Variants in MAST1 observed in about 807,000 individuals in gnomAD.
MAST1 encodes microtubule associated serine/threonine kinase 1, also known as microtubule-associated serine/threonine-protein kinase 1.
MAST1 carries 40 observed loss-of-function variants against 124.6 expected under a neutral mutation model. That is an observed-to-expected ratio of 0.32 (90% CI 0.25 to 0.42). The LOEUF is 0.42. Ranked by LOEUF, MAST1 falls within the 10% of genes least tolerant of loss-of-function variation. The pLI is 1.00. For missense variants in MAST1, 1,558 were observed against 2,181.9 expected (o/e 0.71, Z 5.70); for synonymous variants, 938 against 939.4 (o/e 1.00, Z 0.03).
At position 12,874,157 on chromosome 19, in the gene MAST1, CAGG is replaced by C. The variant is rs1970279441; in HGVS notation, c.4003_4005del (p.Glu1335del). 1.3e-6 allele frequency: 2 copies of C among 1,541,010 alleles called. No individual in the cohort carries two copies. The highest frequency in any genetic ancestry group is 2.7e-5 in the African/African-American group (2 of 73,182). On this transcript the variant is annotated inframe_deletion, in exon 26 of 26. Coordinates refer to ENST00000251472, the MANE Select transcript of MAST1 (RefSeq NM_014975.3). The surrounding 1 kb of genome is among the most constrained non-coding windows in gnomAD (Gnocchi z 6.6). ...GGTCGCCGTCCGCCGCCTGGGCCGA[CAGG>C]AGTCACCTTTGAGCCTGGGCGCGGA...
Position 12,865,638 on chromosome 19 carries a change from G to A in MAST1, c.1805-79G>A. On this transcript the variant is annotated intron_variant, in intron 15 of 25. Coordinates refer to ENST00000251472, the MANE Select transcript of MAST1 (RefSeq NM_014975.3). The surrounding 1 kb of genome is among the most constrained non-coding windows in gnomAD (Gnocchi z 7.1). ...GCCATGATCGTGCCACTGCACTCCA[G>A]CTGGGTGACACAGTGAGATCCTGTG... 1 of 1,457,996 alleles carries A rather than the reference G, an allele frequency of 6.9e-7. No individual in the cohort carries two copies. The highest frequency in any genetic ancestry group is 9.4e-7 in the Non-Finnish European group (1 of 1,059,122). 90.3% of individuals were successfully genotyped at this position (1,457,996 alleles called of 1,614,324 possible).
intron 12 of MAST1, among the ~76,000 whole-genome samples, chr19:12,861,205 G>A (rs1027621846): frequency 6.6e-6 from 1 of 152,076 alleles, no homozygotes; most frequent in African/African-American, 2.4e-5. Context: ...GGGACTAAAG[G>A]CGCGCCTCCA....
chr19:12,866,130 G>C lies in MAST1; in HGVS notation c.2029+28G>C. ...GAGCTGGGACACCAGGCACGACCTG[G>C]GTCGAGGGGTGGGATCCGGGAAGAG... is the stretch of plus-strand genomic sequence containing the variant. On this transcript the variant is annotated intron_variant, in intron 17 of 25. Transcript: ENST00000251472. This position sits in a 1 kb window ranked among gnomAD's most constrained non-coding sequence, Gnocchi z 5.2. 1 of 1,613,246 alleles carries C rather than the reference G, an allele frequency of 6.2e-7. No homozygotes were observed. The highest frequency in any genetic ancestry group is 8.5e-7 in the Non-Finnish European group (1 of 1,179,934).
chr19:12,866,247 G>T lies in MAST1; in HGVS notation c.2029+145G>T. On this transcript the variant is annotated intron_variant, in intron 17 of 25. Transcript: ENST00000251472. The surrounding 1 kb of genome is among the most constrained non-coding windows in gnomAD (Gnocchi z 5.2). Reference sequence around the variant, plus strand: ...GAAGGTGGTATTTTGGTGGGGGCGGGGCCAAGTGGGGCGGGGCTGACATAC... The same window carrying T: ...GAAGGTGGTATTTTGGTGGGGGCGGTGCCAAGTGGGGCGGGGCTGACATAC... 3.7e-6 allele frequency: 4 copies of T among 1,095,322 alleles called. No homozygotes were observed. In the South Asian group the frequency reaches 6.3e-5, roughly 17 times the overall value. 67.9% of individuals were successfully genotyped at this position (1,095,322 alleles called of 1,614,324 possible).
chr19:12,860,233 G>A (rs560234406), intron 12 of MAST1, among the ~76,000 whole-genome samples: 10 of 152,012 alleles, frequency 6.6e-5, no homozygotes, highest in Admixed American at 6.6e-5. Context: ...TCCTGCCTCA[G>A]CCTCCTGAGT....
chr19:12,840,366 G>A, intron 1 of MAST1, 80 bp from the exon 2 acceptor site: 1 of 876,804 alleles, frequency 1.1e-6, no homozygotes, highest in Non-Finnish European at 1.9e-6. Context: ...GGGGATCTGA[G>A]ACAGGAGGTC....
chr19:12,861,006 C>T (rs750009302), intron 12 of MAST1, among the ~76,000 whole-genome samples: 1 of 151,962 alleles, frequency 6.6e-6, no homozygotes, highest in Non-Finnish European at 1.5e-5. Flanking sequence ...ATGGAGATTC[C>T]ATTCTGGTCT....
Position 12,867,566 on chromosome 19 carries a change from C to T in MAST1, c.2232C>T (p.Gly744=). The T allele has an allele frequency of 1.9e-6, 3 of 1,613,540 alleles. No individual in the cohort carries two copies. The highest frequency in any genetic ancestry group is 2.5e-6 in the Non-Finnish European group (3 of 1,179,856). Residue 744 remains glycine (G), a synonymous_variant, in exon 19 of 26, where the codon GGC becomes GGT. Coordinates refer to ENST00000251472, the MANE Select transcript of MAST1 (RefSeq NM_014975.3). ...GSSKREPSTK[G]PEEKVAGKRE... ...GCAAGCGGGAGCCGAGCACCAAGGG[C>T]CCCGAGGAGAAGGTGGCCGGCAAGC...
chr19:12,852,189 G>A lies in MAST1; in HGVS notation c.951G>A (p.Lys317=), dbSNP rs766905969. Residue 317 remains lysine (K), a synonymous_variant, in exon 9 of 26, where the codon AAG becomes AAA. Coordinates refer to ENST00000251472, the MANE Select transcript of MAST1 (RefSeq NM_014975.3). ...EGHAKEGHLV[K]TDIPRYIIRQ... is the part of the protein sequence containing the mutation. ...ACGCCAAGGAGGGCCACCTTGTGAAGACGGACATCCCCCGCTACATCATCC... is the reference window on the plus strand; with the variant it reads ...ACGCCAAGGAGGGCCACCTTGTGAAAACGGACATCCCCCGCTACATCATCC... 3 of 1,614,082 alleles carry A rather than the reference G, an allele frequency of 1.9e-6. No individual in the cohort carries two copies. The highest frequency in any genetic ancestry group is 2.2e-5 in the East Asian group (1 of 44,882).
rs755870831 is a variant in MAST1 at position 12,858,414 on chromosome 19, T to C, written c.1130T>C (p.Ile377Thr). The C allele has an allele frequency of 1.2e-6, 2 of 1,613,884 alleles. No homozygotes were observed. Among genetic ancestry groups the C allele is most frequent in the Non-Finnish European group, 8.5e-7 (1 of 1,179,954 alleles). The change falls in exon 11 of 26, where the codon ATC becomes ACC. Residue 377 changes from isoleucine to threonine, a missense_variant. Coordinates refer to ENST00000251472, the MANE Select transcript of MAST1 (RefSeq NM_014975.3). ...CCGGGGGAGAATGACTTCGATACCA[T>C]CAAGCTCATAAGCAACGGTGCCTAC... ...KPPGENDFDT[I>T]KLISNGAYGA...
rs1453739879 is a variant in MAST1, at chr19:12,847,552, G to C, written c.489-60G>C. 1 of 1,612,850 alleles carries C rather than the reference G, an allele frequency of 6.2e-7. No individual in the cohort carries two copies. Among genetic ancestry groups the C allele is most frequent in the Non-Finnish European group, 8.5e-7 (1 of 1,179,268 alleles). ...GAATAAAAGGGTTACATCTTGGGGC[G>C]GGGGCTCTCTGCGGGCTTGGAGGCA... On this transcript the variant is annotated intron_variant, in intron 5 of 25. Coordinates refer to ENST00000251472, the MANE Select transcript of MAST1 (RefSeq NM_014975.3). This position sits in a 1 kb window ranked among gnomAD's most constrained non-coding sequence, Gnocchi z 5.5.
Position 12,840,641 on chromosome 19 carries a change from G to A in MAST1, c.172+107G>A, listed in dbSNP as rs540979859. The A allele has an allele frequency of 2.3e-4, 192 of 820,042 alleles. 1 individual carries two copies. In the East Asian group the frequency reaches 4.3e-3, roughly 18 times the overall value. The allele number at this position is 820,042 out of a possible 1,614,324, so 50.8% of individuals were successfully genotyped here. ...ACAGAAGGGGCGCAGTTTGAATGGA[G>A]GCGAACCAGTTTGGATAAGGGGCGG... On this transcript the variant is annotated intron_variant, in intron 2 of 25. Transcript: ENST00000251472.
Position 12,868,636 on chromosome 19 carries a change from G to T in MAST1, c.2567-7G>T. ...CTAATTCCTAACACACTTGCTTTCT[G>T]TTGCAGCTGACCGTCCACGCCCAGG... On this transcript the variant is annotated splice_polypyrimidine_tract_variant and splice_region_variant and intron_variant, in intron 20 of 25. Transcript: ENST00000251472. The T allele has an allele frequency of 6.3e-7, 1 of 1,575,060 alleles. No homozygotes were observed. Among genetic ancestry groups the T allele is most frequent in the Non-Finnish European group, 8.6e-7 (1 of 1,158,872 alleles).
At position 12,869,284 on chromosome 19, in the gene MAST1, C is replaced by G; in HGVS notation, c.2992C>G (p.His998Asp). The G allele has an allele frequency of 6.2e-7, 1 of 1,613,594 alleles. No individual in the cohort carries two copies. The highest frequency in any genetic ancestry group is 8.5e-7 in the Non-Finnish European group (1 of 1,179,766). Residue 998 changes from histidine to aspartate, a missense_variant, in exon 22 of 26, where the codon CAC becomes GAC. Physicochemically the swap from His to Asp is moderately conservative, Grantham distance 81 (BLOSUM62 -1). This residue lies in a region of MAST1 where 291 missense variants were observed against 475.8 expected (regional missense o/e 0.61). Coordinates refer to ENST00000251472, the MANE Select transcript of MAST1 (RefSeq NM_014975.3). ...TGACACGGATGTCTATAGTGTCCAC[C>G]ACATTGTCTGGGTGAGTACTCATGG... ...MGDTDVYSVH[H>D]IVWHVEEGGP...
chr19:12,851,890 G>T (rs747221803), intron 7 of MAST1, 44 bp from the exon 8 acceptor site: 34 of 1,478,890 alleles, frequency 2.3e-5, no homozygotes, highest in Non-Finnish European at 3.2e-5. Context: ...CCGGGCTGAG[G>T]CAGAGTGCCT....
chr19:12,840,968 T>C, intron 2 of MAST1, 23 bp from the exon 3 acceptor site: 1 of 916,026 alleles, frequency 1.1e-6, no homozygotes, highest in Non-Finnish European at 1.8e-6. Flanking sequence ...CCTGACAGGA[T>C]TTGCCCCCTC....
intron 3 of MAST1, among the ~76,000 whole-genome samples, chr19:12,842,700 C>T (rs576625076): frequency 1.4e-3 from 211 of 152,082 alleles, no homozygotes; most frequent in Non-Finnish European, 1.9e-3. Context: ...CATCTGCGTG[C>T]GAGTGTGAAT....
rs564599262 is a variant in MAST1, at chr19:12,873,663, C to T, written c.3506C>T (p.Ser1169Leu). Residue 1169 changes from serine to leucine, a missense_variant, in exon 26 of 26, where the codon TCG (serine) becomes TTG (leucine). Ser to Leu is a moderately radical substitution (Grantham distance 145). This residue lies in a region of MAST1 where 291 missense variants were observed against 475.8 expected (regional missense o/e 0.61). Transcript: ENST00000251472. ...PASSTPNSPA[S>L]SASHHIRPST... ...TCGAGCACGCCCAACTCGCCTGCGT[C>T]GTCGGCGTCGCACCACATTCGGCCC... The T allele has an allele frequency of 3.1e-6, 5 of 1,597,304 alleles. No individual in the cohort carries two copies. In the Admixed American group the frequency reaches 6.7e-5, roughly 21 times the overall value.
At chr19:12,872,033 C>T (rs1970242466) in intron 24 of MAST1, among the ~76,000 whole-genome samples, 1 of 151,358 alleles carries the variant, frequency 6.6e-6, no homozygotes, top group Admixed American at 6.6e-5. Flanking sequence ...CACATATAGG[C>T]AGGCCCAGGA....
Sources: gnomAD v4.1 joint callset for allele counts (sites outside exome capture counted in the v4.1 genomes callset) on GRCh38, gnomAD v4.1.1 for gene constraint, gnomAD v4.1.1 regional missense constraint, Gnocchi (gnomAD v3.1) non-coding constraint, MANE v1.5 for transcripts, NCBI Gene and HGNC (gene_info 2026-07-23, HGNC 2026-07-21) for gene names.